DMD: variants seen among roughly 807,000 people sequenced by gnomAD.
DMD encodes dystrophin.
In DMD, 63 loss-of-function variants were observed where a neutral mutation model predicts 330.1. That is an observed-to-expected ratio of 0.19 (90% CI 0.16 to 0.24). DMD has a LOEUF of 0.24. Ranked by LOEUF, DMD falls within the 10% of genes least tolerant of loss-of-function variation. The pLI, the probability that DMD is intolerant of heterozygous loss-of-function variation, is 1.00. For missense variants in DMD, 3,344 were observed against 2,684.1 expected (o/e 1.25, Z -5.43); for synonymous variants, 1,223 against 959.8 (o/e 1.27, Z -5.07).
At chrX:31,850,586 C>A (rs2093506376) in intron 48 of DMD, among the ~76,000 whole-genome samples, 1 of 112,099 alleles carries the variant, frequency 8.9e-6, no homozygotes. Flanking sequence ...TTGTTCTTAT[C>A]TTCCATCATG....
At chrX:31,314,355 C>T (rs976323397) in intron 62 of DMD, among the ~76,000 whole-genome samples, 5 of 112,116 alleles carry the variant, frequency 4.5e-5, no homozygotes, top group African/African-American at 1.6e-4. Flanking sequence ...AACAACAAAA[C>T]GATTCCTTCT....
chrX:33,158,663 G>T (rs1458641076), intron 1 of DMD, among the ~76,000 whole-genome samples: 2 of 111,601 alleles, frequency 1.8e-5, no homozygotes, highest in African/African-American at 6.5e-5. Context: ...TGTACCTATT[G>T]CCTGTTATGG....
intron 33 of DMD, among the ~76,000 whole-genome samples, chrX:32,381,775 G>T (rs866078281): frequency 9.0e-6 from 1 of 110,680 alleles, no homozygotes. Context: ...CTTTTCTTTG[G>T]TATGTGTTTT....
chrX:32,112,155 C>T (rs1268712916), intron 44 of DMD, among the ~76,000 whole-genome samples: 1 of 108,952 alleles, frequency 9.2e-6, no homozygotes, highest in Non-Finnish European at 1.9e-5. Context: ...TCCCGTCCCT[C>T]GAATTCATTC....
chrX:31,346,307 T>C (rs2058072546), intron 61 of DMD, among the ~76,000 whole-genome samples: 1 of 92,011 alleles, frequency 1.1e-5, no homozygotes. Context: ...CCTTAAGGGA[T>C]TGAAGGGATT....
intron 50 of DMD, among the ~76,000 whole-genome samples, chrX:31,790,179 A>G (rs1181616258): frequency 1.8e-5 from 2 of 112,102 alleles, no homozygotes; most frequent in South Asian, 3.7e-4. Context: ...GCAAAGAGCT[A>G]GGTAGAAAGA....
chrX:32,033,142 T>G (rs181744974), intron 44 of DMD, among the ~76,000 whole-genome samples: 1 of 112,010 alleles, frequency 8.9e-6, no homozygotes, highest in East Asian at 2.8e-4. Context: ...AAATACTGCA[T>G]GATTCCACTT....
chrX:32,400,672 C>T lies in DMD; in HGVS notation c.4234-10491G>A, dbSNP rs751814933. ...GTTAGAATGGCAATCATTCAAAAGT[C>T]AGGAAACAACAGGTGCTGGAGAGGA... On this transcript the variant is annotated intron_variant, in intron 30 of 78. Coordinates refer to ENST00000357033, the MANE Select transcript of DMD (RefSeq NM_004006.3). Among the ~76,000 whole-genome samples, 622 of 109,511 alleles carry T rather than the reference C, an allele frequency of 5.7e-3. 9 individuals are homozygous for T. Among genetic ancestry groups the T allele is most frequent in the African/African-American group, 0.019 (584 of 29,963 alleles).
rs1015153757 is a variant in DMD at position 32,117,539 on chromosome X, A to G, written c.6438+99377T>C. On this transcript the variant is annotated intron_variant, in intron 44 of 78. Transcript: ENST00000357033. ...GTCATAATCTTCTCAGATCCTTCATAAATCTTCTTACTGCCATGCTCATGT... is the reference window on the plus strand; with the variant it reads ...GTCATAATCTTCTCAGATCCTTCATGAATCTTCTTACTGCCATGCTCATGT... Among the ~76,000 whole-genome samples, 4 of 111,721 alleles carry G rather than the reference A, an allele frequency of 3.6e-5. No homozygotes were observed. In the South Asian group the frequency reaches 1.5e-3, roughly 42 times the overall value.
intron 62 of DMD, among the ~76,000 whole-genome samples, chrX:31,263,823 G>T (rs1476274821): frequency 8.9e-6 from 1 of 112,755 alleles, no homozygotes; most frequent in African/African-American, 3.2e-5. Flanking sequence ...AAGAAGAAAA[G>T]AATAAAGGGT....
rs1569555864 is a variant in DMD, at chrX:33,124,500, A to AAAAAAAAC, written c.31+86781_31+86782insGTTTTTTT. Among the ~76,000 whole-genome samples the AAAAAAAAC allele has an allele frequency of 3.9e-3, 406 of 104,395 alleles. 5 individuals carry two copies. The highest frequency in any genetic ancestry group is 0.014 in the African/African-American group (390 of 27,187). The allele number at this position is 104,395 out of a possible 115,157, so 90.7% of individuals were successfully genotyped here. ...TGAAAAAAAAAAAAAAAAAAAAAAA[A>AAAAAAAAC]AAAAAAAAAACCGAAAGAAATAAAA... On this transcript the variant is annotated intron_variant, in intron 1 of 78. Coordinates refer to ENST00000357033, the MANE Select transcript of DMD (RefSeq NM_004006.3).
At chrX:32,787,126 A>T (rs1052475758) in intron 7 of DMD, among the ~76,000 whole-genome samples, 1 of 110,274 alleles carries the variant, frequency 9.1e-6, no homozygotes, top group Non-Finnish European at 1.9e-5. Flanking sequence ...TATGACAATT[A>T]TAAGGTACTA....
chrX:31,425,314 A>G (rs763979080), intron 60 of DMD, among the ~76,000 whole-genome samples: 4 of 112,264 alleles, frequency 3.6e-5, no homozygotes, highest in Non-Finnish European at 7.5e-5. Context: ...TCTGTTGCAA[A>G]TGGTGATAAG....
chrX:33,317,062 G>T (rs558019765), intron 1 of DMD, among the ~76,000 whole-genome samples: 2 of 109,589 alleles, frequency 1.8e-5, no homozygotes, highest in African/African-American at 6.6e-5. Flanking sequence ...AATTTCAAAC[G>T]CCAAGTTCCT....
intron 1 of DMD, among the ~76,000 whole-genome samples, chrX:33,228,278 AGTGTGTGTGTGT>A (rs60369848): frequency 3.2e-5 from 3 of 93,472 alleles, no homozygotes; most frequent in Non-Finnish European, 4.3e-5. Context: ...CCCAAGTTTA[AGTGTGTGTGTGT>A]GTGTGTGTGT....
intron 22 of DMD, among the ~76,000 whole-genome samples, chrX:32,469,324 T>A (rs2148464913): frequency 9.0e-6 from 1 of 110,718 alleles, no homozygotes; most frequent in South Asian, 3.8e-4. Context: ...CAATATTTAC[T>A]TTAATGTTAC....
At chrX:33,144,378 T>C (rs1446506570) in intron 1 of DMD, among the ~76,000 whole-genome samples, 2 of 111,245 alleles carry the variant, frequency 1.8e-5, no homozygotes, top group Non-Finnish European at 3.8e-5. Context: ...ATAGGGTGAT[T>C]ATAGTTAACA....
intron 17 of DMD, among the ~76,000 whole-genome samples, chrX:32,531,112 C>G (rs1337782617): frequency 9.0e-6 from 1 of 111,081 alleles, no homozygotes; most frequent in Non-Finnish European, 1.9e-5. Context: ...GTTTTACTTA[C>G]ACAGAAATAT....
intron 41 of DMD, among the ~76,000 whole-genome samples, chrX:32,339,799 T>C (rs1458956706): frequency 7.1e-5 from 8 of 112,069 alleles, no homozygotes; most frequent in Non-Finnish European, 3.8e-5. Flanking sequence ...ACATGAAAGA[T>C]GAACTTTAAG....
Sources: allele counts gnomAD v4.1 joint callset (sites outside exome capture counted in the v4.1 genomes callset), GRCh38; gene constraint gnomAD v4.1.1; transcripts MANE v1.5; gene names NCBI Gene and HGNC (gene_info 2026-07-23, HGNC 2026-07-21).